The following BEGAIN variants were observed in gnomAD, a reference collection of about 807,000 sequenced individuals.
The protein encoded by BEGAIN is brain enriched guanylate kinase associated.
A neutral mutation model predicts 35.8 loss-of-function variants in BEGAIN; 19 were observed. The ratio of observed to expected loss-of-function variants is 0.53; its 90% CI spans 0.37 to 0.78. BEGAIN has a LOEUF of 0.78. Among genes scored for constraint, BEGAIN ranks in the 30% least tolerant of loss-of-function variants. The pLI is 0.00. For missense variants in BEGAIN, 795 were observed against 853.6 expected (o/e 0.93, Z 0.85); for synonymous variants, 462 against 388.6 (o/e 1.19, Z -2.22).
intron 2 of BEGAIN, among the ~76,000 whole-genome samples, chr14:100,562,257 C>T (rs1595136629): frequency 6.6e-6 from 1 of 152,096 alleles, no homozygotes; most frequent in Admixed American, 6.5e-5. Flanking sequence ...CCAGCCCCAT[C>T]CCCAGGACAT....
intron 2 of BEGAIN, among the ~76,000 whole-genome samples, chr14:100,556,183 C>T (rs1320032340): frequency 1.3e-5 from 2 of 152,164 alleles, no homozygotes; most frequent in Non-Finnish European, 2.9e-5. Context: ...CTCCCCTCCC[C>T]CTCCTTCACT....
At chr14:100,545,948 G>C (rs2032310121) in intron 3 of BEGAIN, 1 of 152,370 alleles carries the variant, frequency 6.6e-6, no homozygotes, top group African/African-American at 2.4e-5. Context: ...AGATGAGAAA[G>C]TGCATATTAC....
rs567804001 is a variant in BEGAIN at position 100,584,456 on chromosome 14, CTG to C, written c.42+2791_42+2792del. Among the ~76,000 whole-genome samples the C allele has an allele frequency of 1.2e-3, 186 of 152,334 alleles. 1 individual carries two copies. The highest frequency in any genetic ancestry group is 4.4e-3 in the African/African-American group (183 of 41,568). On this transcript the variant is annotated intron_variant, in intron 1 of 6. Transcript: ENST00000554140. ...GCCAAGGTCCATGTCTCCCAGCAAACTGTGGACTCGTGGAGGGCAAGGTCTGT... is the reference window on the plus strand; with the variant it reads ...GCCAAGGTCCATGTCTCCCAGCAAACTGGACTCGTGGAGGGCAAGGTCTGT...
chr14:100,572,659 G>A (rs2035110826), intron 1 of BEGAIN, among the ~76,000 whole-genome samples: 1 of 152,156 alleles, frequency 6.6e-6, no homozygotes, highest in Non-Finnish European at 1.5e-5. Context: ...CCGCAGCTGT[G>A]GGACCTTGGG....
At chr14:100,540,180 G>C in intron 6 of BEGAIN, 1 of 372,822 alleles carries the variant, frequency 2.7e-6, no homozygotes, top group Non-Finnish European at 4.9e-6. Context: ...GCTCCACAAA[G>C]GTCACTCTGC....
rs1405915302 is a variant in BEGAIN, at chr14:100,537,662, A to G, written c.*307T>C. On this transcript the variant is annotated 3_prime_UTR_variant, in exon 7 of 7. Transcript: ENST00000554140. ...CTGGAGGCCAAGTGCGTTAAGAAAG[A>G]CCCTTTTTCTCTATAAAAATAGTTT... 4 of 371,362 alleles carry G rather than the reference A, an allele frequency of 1.1e-5. No homozygotes were observed. In the Admixed American group the frequency reaches 1.7e-4, roughly 16 times the overall value. The allele number at this position is 371,362 out of a possible 1,614,324, so 23.0% of individuals were successfully genotyped here.
intron 1 of BEGAIN, among the ~76,000 whole-genome samples, chr14:100,570,354 G>A (rs2035039423): frequency 6.6e-6 from 1 of 152,212 alleles, no homozygotes; most frequent in African/African-American, 2.4e-5. Context: ...CAAGAGACAG[G>A]CAGGGAACAG....
intron 6 of BEGAIN, chr14:100,539,997 C>T (rs974526108): frequency 8.7e-5 from 14 of 160,872 alleles, no homozygotes; most frequent in African/African-American, 2.4e-4. Context: ...CGACCATAGG[C>T]GGGCAGGGGT....
chr14:100,585,694 A>C (rs2139774832), intron 1 of BEGAIN, among the ~76,000 whole-genome samples: 1 of 151,990 alleles, frequency 6.6e-6, no homozygotes, highest in South Asian at 2.1e-4. Flanking sequence ...CTGGGCTCTG[A>C]CAGGTGTCCC....
chr14:100,542,451 C>A (rs972234477), intron 5 of BEGAIN, among the ~76,000 whole-genome samples: 2 of 152,234 alleles, frequency 1.3e-5, no homozygotes, highest in Admixed American at 6.5e-5. Flanking sequence ...TCTCCGCCGG[C>A]ATGCCGGCCT....
At chr14:100,585,470 A>G (rs1318199816) in intron 1 of BEGAIN, among the ~76,000 whole-genome samples, 1 of 142,612 alleles carries the variant, frequency 7.0e-6, no homozygotes, top group Admixed American at 7.2e-5. Flanking sequence ...TCATCCATCC[A>G]TCCACTCTTC....
chr14:100,538,019 G>T lies in BEGAIN; in HGVS notation c.1789C>A (p.Arg597Ser). Reference protein sequence around the residue: ...FPRTGGSGLSRKDSLTKAQLY... With the variant: ...FPRTGGSGLSSKDSLTKAQLY... ...TGGGCCTTGGTGAGGCTGTCCTTGC[G>T]GCTCAGCCCCGAGCCACCAGTCCGC... Residue 597 changes from arginine to serine, a missense_variant, in exon 7 of 7, where the codon CGC (arginine) becomes AGC (serine). By Grantham distance (110) the Arg-to-Ser change is moderately radical (BLOSUM62 -1). Transcript: ENST00000554140. The T allele has an allele frequency of 1.2e-6, 2 of 1,608,596 alleles. No homozygotes were observed. The highest frequency in any genetic ancestry group is 1.1e-5 in the South Asian group (1 of 90,566).
chr14:100,546,127 C>T (rs1224142798), intron 3 of BEGAIN: 1 of 172,856 alleles, frequency 5.8e-6, no homozygotes, highest in African/African-American at 2.4e-5. Flanking sequence ...CTTTTCCCAT[C>T]AGGACCCAGG....
At chr14:100,539,859 C>T (rs1477424715) in intron 6 of BEGAIN, among the ~76,000 whole-genome samples, 1 of 152,032 alleles carries the variant, frequency 6.6e-6, no homozygotes, top group Non-Finnish European at 1.5e-5. Context: ...TGGGGGTGTC[C>T]CGCTACTGTT....
intron 5 of BEGAIN, among the ~76,000 whole-genome samples, chr14:100,541,002 G>A (rs1234970609): frequency 6.6e-6 from 1 of 152,220 alleles, no homozygotes; most frequent in Non-Finnish European, 1.5e-5. Context: ...GGCAGGAATG[G>A]GAGGCAGGAT....
At chr14:100,545,983 A>G (rs2032313807) in intron 3 of BEGAIN, 1 of 152,788 alleles carries the variant, frequency 6.5e-6, no homozygotes, top group Non-Finnish European at 1.5e-5. Flanking sequence ...TCCATTTTAA[A>G]TGTGCACAAG....
rs1390407434 is a variant in BEGAIN at position 100,545,185 on chromosome 14, C to T, written c.234-119G>A. The T allele has an allele frequency of 3.9e-6, 6 of 1,555,144 alleles. No individual in the cohort carries two copies. In the East Asian group the frequency reaches 1.4e-4, roughly 36 times the overall value. ...ATTTGGACCTCCTGAGCTCACCCCACCAGCTTCACCCTGGTGGAATGTGTG... is the reference window on the plus strand; with the variant it reads ...ATTTGGACCTCCTGAGCTCACCCCATCAGCTTCACCCTGGTGGAATGTGTG... On this transcript the variant is annotated intron_variant, in intron 3 of 6. Coordinates refer to ENST00000554140, the MANE Select transcript of BEGAIN (RefSeq NM_001385089.1).
intron 2 of BEGAIN, chr14:100,549,421 C>G (rs1286978970): frequency 6.5e-6 from 1 of 152,876 alleles, no homozygotes; most frequent in Admixed American, 6.5e-5. Flanking sequence ...CGTTCCCCAC[C>G]CGGGGGGTGG....
chr14:100,538,624 G>C lies in BEGAIN; in HGVS notation c.1184C>G (p.Pro395Arg), dbSNP rs1349588120. Reference protein sequence around the residue: ...PGFGRTMSPYPAETFRFPASP... With the variant: ...PGFGRTMSPYRAETFRFPASP... Reference sequence around the variant, plus strand: ...GGCCGGGAAGCGGAAGGTCTCGGCCGGGTACGGTGACATGGTCCGCCCGAA... The same window carrying C: ...GGCCGGGAAGCGGAAGGTCTCGGCCCGGTACGGTGACATGGTCCGCCCGAA... The change falls in exon 7 of 7, where the codon CCG (proline) becomes CGG (arginine). Residue 395 changes from proline to arginine, a missense_variant. Physicochemically the swap from Pro to Arg is moderately radical, Grantham distance 103. Around this residue, in one of 3 missense-constraint regions of BEGAIN, gnomAD observed 664 missense variants for 647.7 expected, o/e 1.03. Coordinates refer to ENST00000554140, the MANE Select transcript of BEGAIN (RefSeq NM_001385089.1). 5 of 1,549,542 alleles carry C rather than the reference G, an allele frequency of 3.2e-6. No homozygotes were observed. In the South Asian group the frequency reaches 4.8e-5, roughly 15 times the overall value.
Sources: allele counts gnomAD v4.1 joint callset (sites outside exome capture counted in the v4.1 genomes callset), GRCh38; gene constraint gnomAD v4.1.1; regional missense constraint gnomAD v4.1.1; transcripts MANE v1.5; gene names NCBI Gene and HGNC (gene_info 2026-07-23, HGNC 2026-07-21).